Variants in RGS3 observed in about 807,000 individuals in gnomAD.
RGS3 encodes the protein regulator of G-protein signalling 3.
In RGS3, 80 loss-of-function variants were observed where a neutral mutation model predicts 132.6. The ratio of observed to expected loss-of-function variants is 0.60; its 90% confidence interval spans 0.50 to 0.73. RGS3 has a LOEUF of 0.73. Ranked by LOEUF, RGS3 falls within the 30% of genes least tolerant of loss-of-function variation. The pLI is 0.00. For synonymous variants in RGS3, 598 were observed against 620.6 expected (o/e 0.96, Z 0.54); for missense variants, 1,382 against 1,530.8 (o/e 0.90, Z 1.62).
exon 20 of RGS3, chr9:113,584,341 C>G (rs755324446): frequency 6.3e-7 from 1 of 1,591,138 alleles, no homozygotes; most frequent in Admixed American, 1.7e-5. Context: ...CTGGGGCATG[C>G]CTTCGCCCAG....
Position 113,461,427 on chromosome 9 carries a change from C to T in RGS3, c.81-280C>T, listed in dbSNP as rs148813310. Among the ~76,000 whole-genome samples, 111 of 152,246 alleles carry T rather than the reference C, an allele frequency of 7.3e-4. 1 individual carries two copies. The East Asian group carries it at 0.021, about 29-fold the overall frequency. ...AGTGCCCTGCCCAAGCTCCCACTCA[C>T]CTCTCTCCTCCATCTCTTGAGGAAA... On this transcript the variant is annotated intron_variant, in intron 1 of 24. Transcript: ENST00000350696.
chr9:113,471,635 C>T (rs1007500303), intron 3 of RGS3, among the ~76,000 whole-genome samples: 2 of 151,828 alleles, frequency 1.3e-5, no homozygotes, highest in East Asian at 1.9e-4. Flanking sequence ...CCTGCCTCTT[C>T]CGTCCCTTCC....
chr9:113,446,824 T>C (rs1462585573), intron 1 of RGS3, among the ~76,000 whole-genome samples: 2 of 152,132 alleles, frequency 1.3e-5, no homozygotes, highest in Non-Finnish European at 2.9e-5. Context: ...AATTAGGAGC[T>C]GTTGATGATC....
At chr9:113,448,916 G>A (rs1245409496) in intron 1 of RGS3, among the ~76,000 whole-genome samples, 1 of 152,174 alleles carries the variant, frequency 6.6e-6, no homozygotes, top group East Asian at 1.9e-4. Flanking sequence ...GATGTTTGTG[G>A]AGGTGGCGTT....
intron 17 of RGS3, among the ~76,000 whole-genome samples, chr9:113,527,369 C>T (rs1388151930): frequency 1.3e-5 from 2 of 152,206 alleles, no homozygotes; most frequent in Non-Finnish European, 2.9e-5. Flanking sequence ...TTACTTGGCA[C>T]TAGGATCTGC....
At chr9:113,470,932 C>A (rs1189063079) in intron 3 of RGS3, among the ~76,000 whole-genome samples, 1 of 152,076 alleles carries the variant, frequency 6.6e-6, no homozygotes, top group Admixed American at 6.6e-5. Flanking sequence ...GATACTGTAC[C>A]CTAGCCTGGG....
chr9:113,532,850 A>C (rs575763914), intron 18 of RGS3, among the ~76,000 whole-genome samples: 1 of 152,312 alleles, frequency 6.6e-6, no homozygotes, highest in South Asian at 2.1e-4. Flanking sequence ...AGCTTAGAGC[A>C]GTGGACAGTT....
intron 4 of RGS3, among the ~76,000 whole-genome samples, chr9:113,481,345 GC>G (rs1830153343): frequency 6.6e-6 from 1 of 152,192 alleles, no homozygotes; most frequent in Non-Finnish European, 1.5e-5. Flanking sequence ...GTCACTGCTG[GC>G]CAGAGAGACC....
chr9:113,562,866 C>T (rs1264067802), intron 19 of RGS3, among the ~76,000 whole-genome samples: 1 of 152,220 alleles, frequency 6.6e-6, no homozygotes, highest in Non-Finnish European at 1.5e-5. Context: ...CTCAGTTTCA[C>T]TGACTGTAAA....
chr9:113,585,310 TCTC>T (rs1217764652), intron 20 of RGS3, among the ~76,000 whole-genome samples: 8 of 152,224 alleles, frequency 5.3e-5, no homozygotes, highest in Admixed American at 5.2e-4. Flanking sequence ...ATAGTTTTCT[TCTC>T]TGAAAAGTAG....
Position 113,520,555 on chromosome 9 carries a change from T to G in RGS3, c.1759-2375T>G, listed in dbSNP as rs111824125. Among the ~76,000 whole-genome samples the G allele has an allele frequency of 5.9e-3, 898 of 151,246 alleles. 8 individuals are homozygous for G. The highest frequency in any genetic ancestry group is 0.01 in the Non-Finnish European group (677 of 67,694). ...TGGGCCTGGGCTGTTTTTTTTTTTT[T>G]TTTTTTTTTAAACTTTCTAGGCTCC... On this transcript the variant is annotated intron_variant, in intron 16 of 24. Transcript: ENST00000350696.
chr9:113,446,515 C>G (rs2119132675), intron 1 of RGS3, among the ~76,000 whole-genome samples: 1 of 152,290 alleles, frequency 6.6e-6, no homozygotes, highest in East Asian at 1.9e-4. Context: ...TTTCTGAGGC[C>G]AGTGTCCCCA....
At chr9:113,481,504 A>G (rs956970967) in intron 4 of RGS3, among the ~76,000 whole-genome samples, 6 of 152,246 alleles carry the variant, frequency 3.9e-5, no homozygotes, top group African/African-American at 1.4e-4. Flanking sequence ...CCCAACGTGA[A>G]GTTCCCAAGG....
chr9:113,473,207 A>G (rs1029775742), intron 3 of RGS3, among the ~76,000 whole-genome samples: 1 of 152,330 alleles, frequency 6.6e-6, no homozygotes, highest in East Asian at 1.9e-4. Context: ...AGTCCAGCCC[A>G]TGTCTGAAGG....
At chr9:113,532,977 T>C (rs1284778244) in intron 18 of RGS3, among the ~76,000 whole-genome samples, 1 of 152,190 alleles carries the variant, frequency 6.6e-6, no homozygotes, top group Non-Finnish European at 1.5e-5. Context: ...GAGGGAGCAT[T>C]CCTGCCAGCC....
intron 14 of RGS3, 95 bp downstream of exon 12, chr9:113,508,675 C>T (rs1466016020): frequency 4.6e-5 from 59 of 1,270,336 alleles, no homozygotes; most frequent in Non-Finnish European, 6.4e-5. Context: ...GTTCTGAGGC[C>T]TTTCCAATGG....
chr9:113,566,240 C>T (rs1056788416), intron 19 of RGS3, among the ~76,000 whole-genome samples: 3 of 152,154 alleles, frequency 2.0e-5, no homozygotes, highest in Non-Finnish European at 4.4e-5. Context: ...TCTGCTGAAA[C>T]GTCCACTGGA....
intron 1 of RGS3, among the ~76,000 whole-genome samples, chr9:113,449,020 G>A (rs569362467): frequency 1.3e-5 from 2 of 152,300 alleles, no homozygotes; most frequent in South Asian, 4.1e-4. Context: ...TGGGACTGAA[G>A]ACAGCTTGTG....
In RGS3 at chr9:113,463,951, T is replaced by A; in HGVS notation, c.415+1750T>A. 6.5e-7 allele frequency: 1 copy of A among 1,538,280 alleles called. No homozygotes were observed. The highest frequency in any genetic ancestry group is 1.7e-4 in the Middle Eastern group (1 of 5,868). On this transcript the variant is annotated intron_variant, in intron 3 of 24. Coordinates refer to ENST00000350696, the Ensembl canonical transcript of RGS3. This position sits in a 1 kb window ranked among gnomAD's most constrained non-coding sequence, Gnocchi z 4.6. ...TCCCAGCGCCCAGAAACGCAGCCCC[T>A]CGTGGTGACAGGGGAGGCTGGGAGC... is the stretch of plus-strand genomic sequence containing the variant.
Sources: allele counts gnomAD v4.1 joint callset (sites outside exome capture counted in the v4.1 genomes callset), GRCh38; gene constraint gnomAD v4.1.1; non-coding constraint Gnocchi (gnomAD v3.1); transcripts MANE v1.5; gene names NCBI Gene and HGNC (gene_info 2026-07-23, HGNC 2026-07-21).